The following CALY variants were observed in gnomAD, a reference collection of about 807,000 sequenced individuals.
The protein encoded by CALY is neuron-specific vesicular protein calcyon.
A neutral mutation model predicts 20.2 loss-of-function variants in CALY; 15 were observed. The ratio of observed to expected loss-of-function variants is 0.74; its 90% CI spans 0.50 to 1.14. The LOEUF (loss-of-function observed/expected upper bound fraction) is 1.14, where lower values mean the gene tolerates loss of function less well. Among genes scored for constraint, CALY ranks in the 50% most tolerant of loss-of-function variants. The pLI is 0.00. For synonymous variants in CALY, 129 were observed against 131.8 expected (o/e 0.98, Z 0.15); for missense variants, 270 against 304.4 (o/e 0.89, Z 0.84).
At chr10:133,329,971 G>T (rs1312397614) in intron 1 of CALY, among the ~76,000 whole-genome samples, 1 of 152,154 alleles carries the variant, frequency 6.6e-6, no homozygotes, top group Admixed American at 6.5e-5. Context: ...CGCGGAGAGC[G>T]GGTCTCCTGC....
chr10:133,326,325 G>A, intron 4 of CALY: 10 of 1,500,048 alleles, frequency 6.7e-6, no homozygotes, highest in Non-Finnish European at 9.1e-6. Flanking sequence ...AAGGGGAGGG[G>A]CCACCCAGGG....
chr10:133,325,868 G>A lies in CALY; in HGVS notation c.613C>T (p.Arg205Trp), dbSNP rs987554071. ...GGCGCCGCGCTCCCGGCCGCCTTCC[G>A]CGCCGCCTCCTTCTCCGCCTTGGCC... ...PSAKAEKEAARKAAGSAAPPP... is the reference protein window; with the variant it reads ...PSAKAEKEAAWKAAGSAAPPP... Residue 205 changes from arginine (R) to tryptophan (W), a missense_variant, in exon 5 of 6, where the codon CGG (arginine) becomes TGG (tryptophan). Physicochemically the swap from Arg to Trp is moderately radical, Grantham distance 101. Coordinates refer to ENST00000252939, the MANE Select transcript of CALY (RefSeq NM_015722.4). The A allele has an allele frequency of 1.3e-4, 167 of 1,244,654 alleles. No homozygotes were observed. Among genetic ancestry groups the A allele is most frequent in the Non-Finnish European group, 1.6e-4 (164 of 996,342 alleles). The allele number at this position is 1,244,654 out of a possible 1,614,324, so 77.1% of individuals were successfully genotyped here.
At chr10:133,331,516 T>A (rs1848307647) in intron 1 of CALY, among the ~76,000 whole-genome samples, 1 of 152,144 alleles carries the variant, frequency 6.6e-6, no homozygotes. Context: ...AGTACTCAAT[T>A]TAAATAATAT....
chr10:133,336,589 G>C (rs527678623), intron 1 of CALY, among the ~76,000 whole-genome samples: 1 of 152,196 alleles, frequency 6.6e-6, no homozygotes, highest in African/African-American at 2.4e-5. Context: ...CCGCGGGGTC[G>C]GACTGGCCTG....
intron 5 of CALY, 97 bp downstream of exon 5, chr10:133,325,702 A>C: frequency 1.6e-5 from 8 of 503,884 alleles, no homozygotes; most frequent in Non-Finnish European, 2.0e-5. Context: ...GGGAAGAGGA[A>C]GGGAAGGGTG....
intron 4 of CALY, 110 bp from the exon 5 acceptor site, chr10:133,326,230 G>A (rs1357707610): frequency 1.9e-6 from 3 of 1,551,108 alleles, no homozygotes; most frequent in Admixed American, 2.0e-5. Context: ...TTGTAATGGA[G>A]CCATGGCTTC....
At chr10:133,332,129 G>GAA (rs34950354) in intron 1 of CALY, among the ~76,000 whole-genome samples, 2 of 147,180 alleles carry the variant, frequency 1.4e-5, no homozygotes, top group Admixed American at 6.7e-5. Flanking sequence ...CTCCGTCTGG[G>GAA]AAAAAAAAAA....
intron 1 of CALY, among the ~76,000 whole-genome samples, chr10:133,332,953 G>A (rs1848334840): frequency 6.6e-6 from 1 of 151,996 alleles, no homozygotes; most frequent in South Asian, 2.1e-4. Flanking sequence ...CCTTCATTTT[G>A]GACTTCTTGA....
intron 1 of CALY, among the ~76,000 whole-genome samples, chr10:133,335,814 A>G (rs1848431411): frequency 6.6e-6 from 1 of 152,014 alleles, no homozygotes; most frequent in African/African-American, 2.4e-5. Context: ...TCTGGCAGGG[A>G]GGCAGTGCCC....
chr10:133,333,373 G>C (rs1848349785), intron 1 of CALY, among the ~76,000 whole-genome samples: 1 of 139,464 alleles, frequency 7.2e-6, no homozygotes, highest in Non-Finnish European at 1.6e-5. Context: ...GGTGGGGGTG[G>C]GGTGGAGGGG....
At chr10:133,332,284 C>T (rs773505094) in intron 1 of CALY, among the ~76,000 whole-genome samples, 1 of 152,198 alleles carries the variant, frequency 6.6e-6, no homozygotes, top group African/African-American at 2.4e-5. Flanking sequence ...AGCATGGCTG[C>T]CTCTCAGTAA....
intron 3 of CALY, chr10:133,327,686 CTGTT>C: frequency 1.6e-6 from 1 of 643,356 alleles, no homozygotes. Flanking sequence ...AGGAGCGCCA[CTGTT>C]TGGTCAGTCT....
intron 3 of CALY, 121 bp downstream of exon 3, chr10:133,327,784 T>G (rs1564786078): frequency 5.4e-6 from 4 of 742,710 alleles, no homozygotes; most frequent in Middle Eastern, 4.5e-4. Context: ...ACTGCCACCC[T>G]CTCCTCCCTG....
At chr10:133,334,923 G>A (rs1353871021) in intron 1 of CALY, among the ~76,000 whole-genome samples, 4 of 152,120 alleles carry the variant, frequency 2.6e-5, no homozygotes, top group African/African-American at 4.8e-5. Flanking sequence ...CACCCACCCC[G>A]GGCTGAAGAC....
rs117040915 is a variant in CALY at position 133,332,736 on chromosome 10, C to T, written c.-20-3727G>A. The stretch of plus-strand genomic sequence containing the variant: ...GCAGATGTAATCAAGCTAAAATAAA[C>T]TCGTCCTGAATCAGCGTGGGCCTTG... On this transcript the variant is annotated intron_variant, in intron 1 of 5. Transcript: ENST00000252939. 8.3e-3 allele frequency among the ~76,000 whole-genome samples: 1,265 copies of T among 152,254 alleles called. 9 individuals carry two copies. The highest frequency in any genetic ancestry group is 0.014 in the Middle Eastern group (4 of 294).
chr10:133,324,684 G>A lies in CALY; in HGVS notation c.*911C>T, dbSNP rs1564784461. 1 of 358,542 alleles carries A rather than the reference G, an allele frequency of 2.8e-6. No individual in the cohort carries two copies. The highest frequency in any genetic ancestry group is 3.7e-5 in the Admixed American group (1 of 27,356). The allele number at this position is 358,542 out of a possible 1,614,324, so 22.2% of individuals were successfully genotyped here. Reference sequence around the variant, plus strand: ...CTGGCTGGGGTGGTGCAGGTGGTGGGTGAGATCTGCCGGAAGTCCATTCCC... The same window carrying A: ...CTGGCTGGGGTGGTGCAGGTGGTGGATGAGATCTGCCGGAAGTCCATTCCC... On this transcript the variant is annotated 3_prime_UTR_variant, in exon 6 of 6. Transcript: ENST00000252939.
intron 1 of CALY, among the ~76,000 whole-genome samples, chr10:133,335,688 G>A (rs1848428311): frequency 6.6e-6 from 1 of 152,226 alleles, no homozygotes; most frequent in Non-Finnish European, 1.5e-5. Context: ...CTCCTCCCAC[G>A]GATGACACGC....
chr10:133,329,392 C>CTTCTTCTTCTTCTTTTT (rs549430070), intron 1 of CALY, among the ~76,000 whole-genome samples: 32 of 137,456 alleles, frequency 2.3e-4, no homozygotes, highest in African/African-American at 8.7e-4. Context: ...TCTTCTTCTT[C>CTTCTTCTTCTTCTTTTT]TTTTTTTTTT....
intron 1 of CALY, among the ~76,000 whole-genome samples, chr10:133,335,843 G>A (rs1564789367): frequency 6.6e-6 from 1 of 152,202 alleles, no homozygotes; most frequent in Non-Finnish European, 1.5e-5. Context: ...TCTCTGGGGC[G>A]GGGAAGGCGT....
Sources: allele counts gnomAD v4.1 joint callset (sites outside exome capture counted in the v4.1 genomes callset), GRCh38; gene constraint gnomAD v4.1.1; transcripts MANE v1.5; gene names NCBI Gene and HGNC (gene_info 2026-07-23, HGNC 2026-07-21).